DAB2IP: variants seen among roughly 807,000 people sequenced by gnomAD.
DAB2IP encodes DAB2 interacting protein, also known as disabled homolog 2-interacting protein.
A neutral mutation model predicts 107.2 loss-of-function variants in DAB2IP; 28 were observed. The ratio of observed to expected loss-of-function variants is 0.26; its 90% CI spans 0.19 to 0.36. DAB2IP has a LOEUF of 0.36. DAB2IP is among the 10% of genes least tolerant of loss of function. DAB2IP has a pLI of 1.00. For missense variants in DAB2IP, 1,400 were observed against 1,644.7 expected (o/e 0.85, Z 2.57); for synonymous variants, 755 against 706.4 (o/e 1.07, Z -1.09).
Position 121,776,511 on chromosome 9 carries a change from G to A in DAB2IP, c.3314+120G>A. On this transcript the variant is annotated intron_variant, in intron 14 of 15. Transcript: ENST00000408936. The surrounding 1 kb of genome is among the most constrained non-coding windows in gnomAD (Gnocchi z 5.4). Reference sequence around the variant, plus strand: ...GATAAGCTGAATGTGGAGAGAGGAGGGAAGAGAGTGTCTGGGCAGTGGGAG... The same window carrying A: ...GATAAGCTGAATGTGGAGAGAGGAGAGAAGAGAGTGTCTGGGCAGTGGGAG... 1 of 1,179,858 alleles carries A rather than the reference G, an allele frequency of 8.5e-7. No individual in the cohort carries two copies. Among genetic ancestry groups the A allele is most frequent in the Non-Finnish European group, 1.2e-6 (1 of 861,794 alleles). 73.1% of individuals were successfully genotyped at this position (1,179,858 alleles called of 1,614,324 possible).
chr9:121,713,955 G>A (rs1830464022), intron 3 of DAB2IP, among the ~76,000 whole-genome samples: 1 of 152,182 alleles, frequency 6.6e-6, no homozygotes, highest in African/African-American at 2.4e-5. Context: ...TCTGGGACAA[G>A]TCACCTAATC....
intron 3 of DAB2IP, among the ~76,000 whole-genome samples, chr9:121,719,281 CT>C (rs1182828511): frequency 3.3e-5 from 5 of 152,214 alleles, no homozygotes; most frequent in Non-Finnish European, 7.3e-5. Flanking sequence ...TGGCCTGCTG[CT>C]TCTGTGCCTC....
chr9:121,589,707 C>T (rs866765537), intron 1 of DAB2IP, among the ~76,000 whole-genome samples: 3 of 152,126 alleles, frequency 2.0e-5, no homozygotes, highest in Non-Finnish European at 2.9e-5. Flanking sequence ...GACTTAGGCA[C>T]GTGGAGAATC....
intron 3 of DAB2IP, among the ~76,000 whole-genome samples, chr9:121,710,901 T>A (rs1470687762): frequency 6.6e-6 from 1 of 152,224 alleles, no homozygotes; most frequent in Non-Finnish European, 1.5e-5. Context: ...GTGGACTGGA[T>A]GTGACGTAGG....
intron 3 of DAB2IP, among the ~76,000 whole-genome samples, chr9:121,740,707 G>C (rs1832276882): frequency 6.6e-6 from 1 of 152,218 alleles, no homozygotes; most frequent in South Asian, 2.1e-4. Context: ...CATAATGTCT[G>C]CTAGACGCCT....
intron 1 of DAB2IP, among the ~76,000 whole-genome samples, chr9:121,570,493 G>A (rs1757319): frequency 0.31 from 46,289 of 151,716 alleles, 7,697 homozygotes; most frequent in African/African-American, 0.4. Context: ...ACAGAGCCAC[G>A]CTGGGAGTTC....
intron 3 of DAB2IP, among the ~76,000 whole-genome samples, chr9:121,747,588 C>T (rs1589632027): frequency 6.6e-6 from 1 of 152,196 alleles, no homozygotes; most frequent in African/African-American, 2.4e-5. Context: ...ACCTCATGAT[C>T]CACCTGCCTC....
intron 1 of DAB2IP, among the ~76,000 whole-genome samples, chr9:121,575,848 T>C (rs1830045149): frequency 6.6e-6 from 1 of 152,118 alleles, no homozygotes; most frequent in Non-Finnish European, 1.5e-5. Flanking sequence ...AGGTCTCAAC[T>C]CTGGAAGCCC....
intron 1 of DAB2IP, among the ~76,000 whole-genome samples, chr9:121,646,574 G>T (rs1001804076): frequency 1.3e-5 from 2 of 149,146 alleles, no homozygotes; most frequent in African/African-American, 5.0e-5. Context: ...TGTCCTGGGA[G>T]GCGGATGTGT....
intron 6 of DAB2IP, among the ~76,000 whole-genome samples, chr9:121,762,821 AGGTGTGGGTTCG>A (rs1174997930): frequency 6.6e-6 from 1 of 152,088 alleles, no homozygotes; most frequent in Non-Finnish European, 1.5e-5. Context: ...AGTAGGGGGA[AGGTGTGGGTTCG>A]GGCTCCTGTG....
chr9:121,567,210 G>T (rs1829824896), exon 1 of DAB2IP: 1 of 1,614,060 alleles, frequency 6.2e-7, no homozygotes, highest in Non-Finnish European at 8.5e-7. Context: ...CTCCCTTCTG[G>T]ACCAAGACGA....
intron 1 of DAB2IP, among the ~76,000 whole-genome samples, chr9:121,592,779 C>T (rs1378070366): frequency 6.6e-6 from 1 of 152,162 alleles, no homozygotes; most frequent in Non-Finnish European, 1.5e-5. Flanking sequence ...ACTCCAGACA[C>T]ATCCCTTGGG....
chr9:121,678,578 G>A (rs953637475), intron 1 of DAB2IP, 100 bp from the exon 2 acceptor site: 28 of 995,546 alleles, frequency 2.8e-5, no homozygotes, highest in East Asian at 1.3e-4. Context: ...TCTAGGGACC[G>A]GTTTGTCTGT....
chr9:121,586,479 T>C (rs60824473), intron 1 of DAB2IP, among the ~76,000 whole-genome samples: 3,772 of 152,182 alleles, frequency 0.025, 67 homozygotes, highest in African/African-American at 0.046. Context: ...GGGTCCAAAA[T>C]GGGCCCCTTG....
chr9:121,742,629 A>C (rs1832436210), intron 3 of DAB2IP, among the ~76,000 whole-genome samples: 2 of 151,824 alleles, frequency 1.3e-5, no homozygotes, highest in Admixed American at 1.3e-4. Flanking sequence ...GAGAAGCTCC[A>C]CTCTTGTGGA....
At chr9:121,666,542 A>G (rs1453643418) in intron 1 of DAB2IP, among the ~76,000 whole-genome samples, 1 of 152,064 alleles carries the variant, frequency 6.6e-6, no homozygotes, top group Non-Finnish European at 1.5e-5. Context: ...GAACATGTGG[A>G]CACAGGGAGG....
intron 1 of DAB2IP, among the ~76,000 whole-genome samples, chr9:121,596,888 T>C (rs1830542956): frequency 6.6e-6 from 1 of 152,224 alleles, no homozygotes; most frequent in Non-Finnish European, 1.5e-5. Context: ...TCCAGGTCCC[T>C]ACTGTCCCAC....
Position 121,633,385 on chromosome 9 carries a change from C to A in DAB2IP, c.41-45293C>A, listed in dbSNP as rs1258714967. Among the ~76,000 whole-genome samples the A allele has an allele frequency of 6.6e-6, 1 of 152,038 alleles. No individual in the cohort carries two copies. Among genetic ancestry groups the A allele is most frequent in the African/African-American group, 2.4e-5 (1 of 41,412 alleles). Reference sequence around the variant, plus strand: ...TTGTGTCTTTGCCCACTGACCCCACCCCCCCTACCAAACCACCTCTGCTGC... The same window carrying A: ...TTGTGTCTTTGCCCACTGACCCCACACCCCCTACCAAACCACCTCTGCTGC... On this transcript the variant is annotated intron_variant, in intron 1 of 16. Coordinates refer to the DAB2IP transcript ENST00000259371. This position sits in a 1 kb window ranked among gnomAD's most constrained non-coding sequence, Gnocchi z 5.1.
At chr9:121,753,512 G>T (rs1008497473) in intron 3 of DAB2IP, among the ~76,000 whole-genome samples, 2 of 152,210 alleles carry the variant, frequency 1.3e-5, no homozygotes, top group African/African-American at 4.8e-5. Flanking sequence ...AGGGGCATCA[G>T]CCCCCAGATA....
Sources: allele counts gnomAD v4.1 joint callset (sites outside exome capture counted in the v4.1 genomes callset), GRCh38; gene constraint gnomAD v4.1.1; non-coding constraint Gnocchi (gnomAD v3.1); transcripts MANE v1.5; gene names NCBI Gene and HGNC (gene_info 2026-07-23, HGNC 2026-07-21).